MFAP3L: variants seen among roughly 807,000 people sequenced by gnomAD.
The protein encoded by MFAP3L is microfibrillar-associated protein 3-like.
Under a neutral mutation model 20.0 loss-of-function variants are expected in MFAP3L, and 5 were observed. The ratio of observed to expected loss-of-function variants is 0.25; its 90% CI spans 0.13 to 0.53. MFAP3L has a LOEUF of 0.53. MFAP3L is among the 20% of genes least tolerant of loss of function. The pLI, the probability that MFAP3L is intolerant of heterozygous loss-of-function variation, is 0.96. For missense variants in MFAP3L, 409 were observed against 527.5 expected, an observed-to-expected ratio of 0.78 and a Z score of 2.20; for synonymous variants, 219 against 213.0, an observed-to-expected ratio of 1.03 and a Z score of -0.25.
intron 1 of MFAP3L, among the ~76,000 whole-genome samples, chr4:170,024,798 G>A (rs1366383529): frequency 6.6e-6 from 1 of 152,196 alleles, no homozygotes; most frequent in Non-Finnish European, 1.5e-5. Flanking sequence ...AATCACCCCA[G>A]AGAGTATCCA....
chr4:170,024,649 T>TG (rs1740240180), intron 1 of MFAP3L, among the ~76,000 whole-genome samples: 1 of 152,230 alleles, frequency 6.6e-6, no homozygotes, highest in Non-Finnish European at 1.5e-5. Context: ...TTGGCTAAAA[T>TG]GGGGGACTGC....
At chr4:170,004,553 T>C (rs1227375307) in intron 2 of MFAP3L, among the ~76,000 whole-genome samples, 1 of 152,162 alleles carries the variant, frequency 6.6e-6, no homozygotes, top group African/African-American at 2.4e-5. Flanking sequence ...AACACAGCTG[T>C]GAACCAGAAG....
rs1464820533 is a variant in MFAP3L, at chr4:169,992,793, C to T, written c.299-484G>A. ...CATGCCTCCATTGAATATATGTTCACTGGGGAGGTTAATGCAATTAAATTG... is the reference window on the plus strand; with the variant it reads ...CATGCCTCCATTGAATATATGTTCATTGGGGAGGTTAATGCAATTAAATTG... On this transcript the variant is annotated intron_variant, in intron 2 of 2. Coordinates refer to ENST00000361618, the MANE Select transcript of MFAP3L (RefSeq NM_021647.8). The surrounding 1 kb of genome is among the most constrained non-coding windows in gnomAD (Gnocchi z 4.3). Among the ~76,000 whole-genome samples the T allele has an allele frequency of 2.6e-5, 4 of 152,208 alleles. No homozygotes were observed. Among genetic ancestry groups the T allele is most frequent in the Non-Finnish European group, 5.9e-5 (4 of 68,032 alleles).
intron 2 of MFAP3L, chr4:169,994,175 G>A (rs963803529): frequency 1.0e-6 from 1 of 985,048 alleles, no homozygotes; most frequent in African/African-American, 1.7e-5. Context: ...TACAGGCTAT[G>A]CTTGTAGTTT....
At chr4:170,009,389 A>C in intron 1 of MFAP3L, among the ~76,000 whole-genome samples, 1 of 151,894 alleles carries the variant, frequency 6.6e-6, no homozygotes. Flanking sequence ...TCTCAAAAAA[A>C]AAAAAAAAAA....
At chr4:170,027,028 T>G (rs2111101067), upstream of MFAP3L, 1 of 152,326 alleles carries the variant, frequency 6.6e-6, no homozygotes, top group Admixed American at 6.5e-5. Context: ...GGTGACTTTC[T>G]GAGTGGTGGG....
intron 1 of MFAP3L, among the ~76,000 whole-genome samples, chr4:170,013,493 CTTGG>C (rs1739510088): frequency 2.0e-5 from 3 of 151,792 alleles, no homozygotes; most frequent in African/African-American, 7.3e-5. Context: ...CTTGGAAAAA[CTTGG>C]ATGTATTTTC....
chr4:169,998,202 A>G (rs968708234), intron 2 of MFAP3L, among the ~76,000 whole-genome samples: 1 of 152,212 alleles, frequency 6.6e-6, no homozygotes, highest in African/African-American at 2.4e-5. Context: ...GTATGGCCCA[A>G]TGTCTCCTCA....
chr4:170,026,958 C>G (rs1422756396), upstream of MFAP3L: 1 of 152,314 alleles, frequency 6.6e-6, no homozygotes, highest in East Asian at 1.9e-4. Context: ...TCTTAAACGT[C>G]TCTTAAAGCA....
At chr4:170,025,614 T>A (rs1388811864) in intron 1 of MFAP3L, among the ~76,000 whole-genome samples, 1 of 152,164 alleles carries the variant, frequency 6.6e-6, no homozygotes, top group Non-Finnish European at 1.5e-5. Context: ...TGTATTTTAA[T>A]CCGATGAAGC....
In MFAP3L at chr4:169,988,904, A is replaced by T. The variant is rs1309801170; in HGVS notation, c.*2474T>A. On this transcript the variant is annotated 3_prime_UTR_variant, in exon 3 of 3. Transcript: ENST00000361618. ...ATATTTCTGCTCTTGCTCCACTGAAAATCTGCCCACTTTTAGCTTATTATC... is the reference window on the plus strand; with the variant it reads ...ATATTTCTGCTCTTGCTCCACTGAATATCTGCCCACTTTTAGCTTATTATC... The T allele has an allele frequency of 1.3e-5, 2 of 152,152 alleles. No individual in the cohort carries two copies. Among genetic ancestry groups the T allele is most frequent in the Non-Finnish European group, 1.5e-5 (1 of 68,030 alleles). 9.4% of individuals were successfully genotyped at this position (152,152 alleles called of 1,614,324 possible).
Position 169,991,551 on chromosome 4 carries a change from A to G in MFAP3L, c.1057T>C (p.Ser353Pro). The G allele has an allele frequency of 3.1e-6, 5 of 1,613,652 alleles. No individual in the cohort carries two copies. Among genetic ancestry groups the G allele is most frequent in the Non-Finnish European group, 4.2e-6 (5 of 1,179,898 alleles). Residue 353 changes from serine (S) to proline (P), a missense_variant, in exon 3 of 3, where the codon TCC becomes CCC. This residue lies in a region of MFAP3L where 169 missense variants were observed against 178.2 expected (regional missense o/e 0.95). Coordinates refer to ENST00000361618, the MANE Select transcript of MFAP3L (RefSeq NM_021647.8). The surrounding 1 kb of genome is among the most constrained non-coding windows in gnomAD (Gnocchi z 4.9). ...VEETELSAEH[S>P]PETAEPSTDV... ...GTAGAAGGTTCTGCAGTTTCGGGGG[A>G]ATGTTCCGCCGACAGTTCTGTCTCC...
At position 169,987,924 on chromosome 4, in the gene MFAP3L, T is replaced by G. The variant is rs1311225274; in HGVS notation, c.*3454A>C. On this transcript the variant is annotated 3_prime_UTR_variant, in exon 3 of 3. Coordinates refer to ENST00000361618, the MANE Select transcript of MFAP3L (RefSeq NM_021647.8). ...CAACATAGACTGGTGCAATTAAAAATGAAACAAACAATAAAAACAGATAAA... is the reference window on the plus strand; with the variant it reads ...CAACATAGACTGGTGCAATTAAAAAGGAAACAAACAATAAAAACAGATAAA... The G allele has an allele frequency of 6.6e-6, 1 of 152,094 alleles. No individual in the cohort carries two copies. The highest frequency in any genetic ancestry group is 1.5e-5 in the Non-Finnish European group (1 of 67,994). 9.4% of individuals were successfully genotyped at this position (152,094 alleles called of 1,614,324 possible).
chr4:170,016,037 T>C (rs1348756826), intron 1 of MFAP3L, among the ~76,000 whole-genome samples: 5 of 152,194 alleles, frequency 3.3e-5, no homozygotes, highest in African/African-American at 1.2e-4. Context: ...TTAACATAAT[T>C]GTCCCATTAA....
chr4:169,999,467 G>A (rs1553998947), intron 2 of MFAP3L, among the ~76,000 whole-genome samples: 1 of 152,144 alleles, frequency 6.6e-6, no homozygotes, highest in Non-Finnish European at 1.5e-5. Flanking sequence ...TTTTAAAGGA[G>A]TGCCAAGCAT....
In MFAP3L at chr4:169,988,817, C is replaced by T. The variant is rs1262595686; in HGVS notation, c.*2561G>A. The stretch of plus-strand genomic sequence containing the variant: ...AGAGGGAGAAAGTTTTGAAAATCTA[C>T]ATAAGCTCTCCCCACTGCAGTCTAA... On this transcript the variant is annotated 3_prime_UTR_variant, in exon 3 of 3. Transcript: ENST00000361618. 6.6e-6 allele frequency: 1 copy of T among 152,298 alleles called. No homozygotes were observed. The highest frequency in any genetic ancestry group is 2.1e-4 in the South Asian group (1 of 4,824). 9.4% of individuals were successfully genotyped at this position (152,298 alleles called of 1,614,324 possible).
intron 1 of MFAP3L, among the ~76,000 whole-genome samples, chr4:170,025,346 C>T (rs1405023995): frequency 6.6e-6 from 1 of 152,150 alleles, no homozygotes; most frequent in African/African-American, 2.4e-5. Context: ...CTGCAATGCT[C>T]GGTTTCCAAG....
Position 169,991,618 on chromosome 4 carries a change from T to A in MFAP3L, c.990A>T (p.Ala330=). 1 of 1,614,218 alleles carries A rather than the reference T, an allele frequency of 6.2e-7. No individual in the cohort carries two copies. Among genetic ancestry groups the A allele is most frequent in the Non-Finnish European group, 8.5e-7 (1 of 1,180,034 alleles). ...CAAACTGTCCACCCTCTTGGTCATC[T>A]GCATGCTCTTTTTTGGACTGCGGGT... ...SVHPQSKKEH[A]DDQEGGQFEV... The change falls in exon 3 of 3, where the codon GCA becomes GCT. Residue 330 remains alanine, a synonymous_variant. Coordinates refer to ENST00000361618, the MANE Select transcript of MFAP3L (RefSeq NM_021647.8). This position sits in a 1 kb window ranked among gnomAD's most constrained non-coding sequence, Gnocchi z 4.9.
chr4:169,990,364 G>A lies in MFAP3L; in HGVS notation c.*1014C>T, dbSNP rs1370683158. 2.0e-5 allele frequency: 3 copies of A among 152,348 alleles called. No individual in the cohort carries two copies. Among genetic ancestry groups the A allele is most frequent in the East Asian group, 3.8e-4 (2 of 5,204 alleles). The allele number at this position is 152,348 out of a possible 1,614,324, so 9.4% of individuals were successfully genotyped here. ...TTCATAAAAGTGGACCTGGTTATATGTCATCCAACAGCATATGGTCCCTGC... is the reference window on the plus strand; with the variant it reads ...TTCATAAAAGTGGACCTGGTTATATATCATCCAACAGCATATGGTCCCTGC... On this transcript the variant is annotated 3_prime_UTR_variant, in exon 3 of 3. Transcript: ENST00000361618.
Sources: gnomAD v4.1 joint callset for allele counts (sites outside exome capture counted in the v4.1 genomes callset) on GRCh38, gnomAD v4.1.1 for gene constraint, gnomAD v4.1.1 regional missense constraint, Gnocchi (gnomAD v3.1) non-coding constraint, MANE v1.5 for transcripts, NCBI Gene and HGNC (gene_info 2026-07-23, HGNC 2026-07-21) for gene names.